Variants in FNDC3B observed in about 807,000 individuals in gnomAD.
The protein encoded by FNDC3B is fibronectin type III domain-containing protein 3B.
A neutral mutation model predicts 151.5 loss-of-function variants in FNDC3B; 12 were observed. That is an observed-to-expected ratio of 0.08 (90% CI 0.05 to 0.13). The LOEUF is 0.13. FNDC3B is among the 10% of genes least tolerant of loss of function. The pLI is 1.00. For synonymous variants in FNDC3B, 528 were observed against 549.0 expected (o/e 0.96, Z 0.54); for missense variants, 1,214 against 1,505.3 (o/e 0.81, Z 3.20).
At chr3:172,358,971 G>C (rs1408790579) in intron 22 of FNDC3B, among the ~76,000 whole-genome samples, 4 of 126,878 alleles carry the variant, frequency 3.2e-5, no homozygotes, top group Admixed American at 2.2e-4. Flanking sequence ...TGGTGGTGGT[G>C]GTGGTGGTGG....
chr3:172,193,328 C>CCCCTT (rs529763550), intron 3 of FNDC3B, among the ~76,000 whole-genome samples: 2,243 of 5,056 alleles, frequency 0.44, 818 homozygotes, highest in Non-Finnish European at 0.62. Flanking sequence ...CCCCTCCCCT[C>CCCCTT]CCCTTCCCTT....
intron 3 of FNDC3B, among the ~76,000 whole-genome samples, chr3:172,183,133 G>GT (rs1340137609): frequency 6.6e-6 from 1 of 152,086 alleles, no homozygotes; most frequent in Non-Finnish European, 1.5e-5. Context: ...TCTTCTTTGT[G>GT]TTTTTTATGA....
Position 172,335,067 on chromosome 3 carries a change from T to A in FNDC3B, c.1765T>A (p.Phe589Ile), listed in dbSNP as rs770493205. 6.2e-7 allele frequency: 1 copy of A among 1,607,606 alleles called. No individual in the cohort carries two copies. ...CAAAGGCCCAGTTACATCTCATGGCTTTAGTGTCAAATGGGGTATGTTTTG... is the reference window on the plus strand; with the variant it reads ...CAAAGGCCCAGTTACATCTCATGGCATTAGTGTCAAATGGGGTATGTTTTG... ...LVKGPVTSHG[F>I]SVKWDPPKDN... Residue 589 changes from phenylalanine to isoleucine, a missense_variant, in exon 15 of 26, where the codon TTT becomes ATT. Phe to Ile is a conservative substitution (Grantham distance 21). This residue lies in a region of FNDC3B where 380 missense variants were observed against 420.9 expected (regional missense o/e 0.90). Coordinates refer to ENST00000415807, the MANE Select transcript of FNDC3B (RefSeq NM_022763.4).
At chr3:172,249,504 A>T (rs1215300488) in intron 5 of FNDC3B, among the ~76,000 whole-genome samples, 1 of 152,194 alleles carries the variant, frequency 6.6e-6, no homozygotes, top group Admixed American at 6.5e-5. Context: ...TTTATAAATA[A>T]GCCATTGATA....
chr3:172,216,458 G>A (rs1368132753), intron 3 of FNDC3B, among the ~76,000 whole-genome samples: 2 of 152,258 alleles, frequency 1.3e-5, no homozygotes, highest in East Asian at 3.9e-4. Flanking sequence ...CTTGAGGCCA[G>A]GAGTTGAAGG....
At chr3:172,311,064 GT>G in intron 11 of FNDC3B, 183 bp downstream of exon 11, 1 of 577,580 alleles carries the variant, frequency 1.7e-6, no homozygotes, top group Non-Finnish European at 3.1e-6. Flanking sequence ...AGTATTATGA[GT>G]TGTGTATTGA....
intron 1 of FNDC3B, among the ~76,000 whole-genome samples, chr3:172,060,341 G>A (rs1038383243): frequency 3.3e-5 from 5 of 152,096 alleles, no homozygotes; most frequent in African/African-American, 1.2e-4. Context: ...TGAGAGTGTA[G>A]TGGTGGTGGT....
chr3:172,297,473 T>C (rs868798640), intron 8 of FNDC3B, among the ~76,000 whole-genome samples: 3 of 152,136 alleles, frequency 2.0e-5, no homozygotes, highest in Admixed American at 6.6e-5. Context: ...CACATTTTTT[T>C]CCATAAGTGT....
intron 11 of FNDC3B, among the ~76,000 whole-genome samples, chr3:172,323,944 T>TC (rs777524326): frequency 8.0e-4 from 122 of 152,096 alleles, no homozygotes; most frequent in Admixed American, 2.1e-3. Context: ...GGCTGGGACT[T>TC]CCCCCCAAAG....
chr3:172,206,756 G>A (rs1725456918), intron 3 of FNDC3B, among the ~76,000 whole-genome samples: 1 of 150,296 alleles, frequency 6.7e-6, no homozygotes, highest in South Asian at 2.1e-4. Flanking sequence ...ACTTTATTGT[G>A]ATGTTTTATG....
intron 23 of FNDC3B, among the ~76,000 whole-genome samples, chr3:172,366,472 T>C (rs1244416920): frequency 1.3e-5 from 2 of 152,080 alleles, no homozygotes; most frequent in African/African-American, 4.8e-5. Flanking sequence ...CCTTCTACCA[T>C]TTAGGTGAAA....
intron 23 of FNDC3B, among the ~76,000 whole-genome samples, chr3:172,374,464 G>T (rs6445059): frequency 0.029 from 4,387 of 152,214 alleles, 186 homozygotes; most frequent in African/African-American, 0.1. Context: ...TGGCAGTCTT[G>T]GCTCACTGCA....
At chr3:172,297,950 G>A (rs1193618152) in intron 8 of FNDC3B, among the ~76,000 whole-genome samples, 1 of 152,068 alleles carries the variant, frequency 6.6e-6, no homozygotes, top group East Asian at 1.9e-4. Context: ...TATAAATAAT[G>A]CCTGTTATAT....
At chr3:172,080,753 G>A (rs140037405) in intron 1 of FNDC3B, among the ~76,000 whole-genome samples, 89 of 152,290 alleles carry the variant, frequency 5.8e-4, no homozygotes, top group African/African-American at 2.0e-3. Context: ...AACCTGCCAG[G>A]CCTCAGATGG....
chr3:172,153,594 C>G (rs1175538929), intron 3 of FNDC3B, among the ~76,000 whole-genome samples: 3 of 152,326 alleles, frequency 2.0e-5, no homozygotes, highest in Middle Eastern at 3.4e-3. Context: ...GGGAAAGCGC[C>G]TAACTATTCA....
chr3:172,361,104 G>A (rs973044726), intron 22 of FNDC3B, among the ~76,000 whole-genome samples: 1 of 152,116 alleles, frequency 6.6e-6, no homozygotes, highest in Non-Finnish European at 1.5e-5. Flanking sequence ...GCCTCTGGAG[G>A]AGAGGGTCCA....
At chr3:172,274,778 C>T (rs1412305917) in intron 6 of FNDC3B, among the ~76,000 whole-genome samples, 2 of 152,092 alleles carry the variant, frequency 1.3e-5, no homozygotes, top group East Asian at 3.9e-4. Context: ...TTGTAGATGG[C>T]CATTTTCTCC....
intron 2 of FNDC3B, among the ~76,000 whole-genome samples, chr3:172,129,848 C>G (rs116445522): frequency 6.6e-6 from 1 of 152,122 alleles, no homozygotes; most frequent in African/African-American, 2.4e-5. Context: ...CAGTATGAAT[C>G]AGTTTAATGC....
intron 3 of FNDC3B, among the ~76,000 whole-genome samples, chr3:172,225,002 G>A (rs1726477368): frequency 1.3e-5 from 2 of 152,190 alleles, no homozygotes; most frequent in Non-Finnish European, 2.9e-5. Context: ...TGATTTTGAT[G>A]TAACAACAGC....
Sources: gnomAD v4.1 joint callset for allele counts (sites outside exome capture counted in the v4.1 genomes callset) on GRCh38, gnomAD v4.1.1 for gene constraint, gnomAD v4.1.1 regional missense constraint, MANE v1.5 for transcripts, NCBI Gene and HGNC (gene_info 2026-07-23, HGNC 2026-07-21) for gene names.